Variants in CNNM1 observed in about 807,000 individuals in gnomAD.
The protein encoded by CNNM1 is cyclin and CBS domain divalent metal cation transport mediator 1, also known as metal transporter CNNM1.
In CNNM1, 44 loss-of-function variants were observed where a neutral mutation model predicts 78.8. The observed-to-expected ratio is 0.56, with a 90% CI of 0.44 to 0.72. The LOEUF is 0.72. Ranked by LOEUF, CNNM1 falls within the 30% of genes least tolerant of loss-of-function variation. The probability of loss-of-function intolerance (pLI) is 0.00; values close to 1 mark genes in which losing one functional copy is unlikely to be tolerated. For missense variants in CNNM1, 1,101 were observed against 1,292.2 expected (o/e 0.85, Z 2.27); for synonymous variants, 584 against 581.5 (o/e 1.00, Z -0.06).
intron 6 of CNNM1, among the ~76,000 whole-genome samples, chr10:99,371,552 A>G (rs2031803527): frequency 6.6e-6 from 1 of 152,206 alleles, no homozygotes; most frequent in Admixed American, 6.5e-5. Flanking sequence ...ACTGAGATCA[A>G]TAATGACAGT....
intron 7 of CNNM1, among the ~76,000 whole-genome samples, chr10:99,386,160 C>T (rs1042234410): frequency 6.6e-6 from 1 of 152,200 alleles, no homozygotes; most frequent in Non-Finnish European, 1.5e-5. Context: ...TGAAAAATAT[C>T]GAAGCCAGTT....
At position 99,329,645 on chromosome 10, in the gene CNNM1, G is replaced by A. The variant is rs1414097907; in HGVS notation, c.258G>A (p.Pro86=). The A allele has an allele frequency of 1.3e-6, 2 of 1,534,690 alleles. No individual in the cohort carries two copies. The highest frequency in any genetic ancestry group is 1.7e-6 in the Non-Finnish European group (2 of 1,149,080). ...CAGGACCGCCGGCCACCGCCGCACC[G>A]GTGCCCTCACCGACCCTCAACTCGG... ...FQPGPPATAA[P]VPSPTLNSGE... Residue 86 remains proline (P), a synonymous_variant, in exon 1 of 11, where the codon CCG becomes CCA. Coordinates refer to ENST00000356713, the MANE Select transcript of CNNM1 (RefSeq NM_020348.3).
chr10:99,383,781 G>T (rs999103038), intron 7 of CNNM1, among the ~76,000 whole-genome samples: 4 of 152,154 alleles, frequency 2.6e-5, no homozygotes, highest in African/African-American at 4.8e-5. Flanking sequence ...GCCCTGCGAG[G>T]CCAGGTCATC....
At chr10:99,363,959 A>T (rs1339234709) in intron 4 of CNNM1, among the ~76,000 whole-genome samples, 2 of 151,930 alleles carry the variant, frequency 1.3e-5, no homozygotes, top group African/African-American at 4.8e-5. Context: ...TGGCCAGGCT[A>T]GTCTCAAACT....
intron 1 of CNNM1, among the ~76,000 whole-genome samples, chr10:99,340,776 CTTCTTTCTT>C (rs2030411568): frequency 7.0e-6 from 1 of 143,782 alleles, no homozygotes; most frequent in Non-Finnish European, 1.5e-5. Context: ...TCTCTCTTTC[CTTCTTTCTT>C]TTCTTTCTTT....
chr10:99,368,989 A>C (rs1354210821), intron 6 of CNNM1, among the ~76,000 whole-genome samples: 1 of 152,222 alleles, frequency 6.6e-6, no homozygotes, highest in Non-Finnish European at 1.5e-5. Flanking sequence ...TGAGGAGTAC[A>C]GCATGAATGA....
chr10:99,384,710 G>A (rs17111633), intron 7 of CNNM1, among the ~76,000 whole-genome samples: 7,337 of 152,212 alleles, frequency 0.048, 306 homozygotes, highest in South Asian at 0.13. Context: ...TGCTTAAAAA[G>A]AGGGTTAGAG....
intron 7 of CNNM1, among the ~76,000 whole-genome samples, chr10:99,385,892 C>T (rs2032289773): frequency 6.6e-6 from 1 of 152,142 alleles, no homozygotes; most frequent in Non-Finnish European, 1.5e-5. Context: ...AACTAAAGAA[C>T]CCAAACAGAG....
chr10:99,347,022 AAG>A (rs1295279295), intron 1 of CNNM1, among the ~76,000 whole-genome samples: 5 of 152,268 alleles, frequency 3.3e-5, no homozygotes, highest in South Asian at 4.2e-4. Context: ...CGTGGACACA[AAG>A]AGGGCAACAG....
In CNNM1 at chr10:99,360,966, A is replaced by G. The variant is rs1317617320; in HGVS notation, c.1849A>G (p.Met617Val). The change falls in exon 3 of 11, where the codon ATG (methionine) becomes GTG (valine). Residue 617 changes from methionine to valine, a missense_variant. Physicochemically the swap from Met to Val is conservative, Grantham distance 21. Around this residue, in one of 3 missense-constraint regions of CNNM1, gnomAD observed 277 missense variants for 423.2 expected, o/e 0.65. Transcript: ENST00000356713. The part of the protein sequence containing the change: ...PQLLLATHRF[M>V]ATEVEPFKSL... ...GCTTCTGCTAGCCACACACCGCTTC[A>G]TGGCCACAGGTAGGACAAGTCTCCA... 3.7e-6 allele frequency: 6 copies of G among 1,608,250 alleles called. No homozygotes were observed. The highest frequency in any genetic ancestry group is 5.1e-6 in the Non-Finnish European group (6 of 1,175,894).
chr10:99,347,952 C>T (rs1217335352), intron 1 of CNNM1, among the ~76,000 whole-genome samples: 1 of 152,038 alleles, frequency 6.6e-6, no homozygotes, highest in Non-Finnish European at 1.5e-5. Flanking sequence ...CCCACACACT[C>T]CCTCATCACT....
At chr10:99,344,317 G>A (rs1300387190) in intron 1 of CNNM1, among the ~76,000 whole-genome samples, 2 of 141,394 alleles carry the variant, frequency 1.4e-5, no homozygotes, top group Admixed American at 7.4e-5. Flanking sequence ...AGGCAACAGA[G>A]CGAGACTCCG....
chr10:99,334,142 T>C (rs148967067), intron 1 of CNNM1, among the ~76,000 whole-genome samples: 6 of 152,340 alleles, frequency 3.9e-5, no homozygotes, highest in Non-Finnish European at 5.9e-5. Context: ...GTGGCTCCTA[T>C]GTAACATTAA....
intron 1 of CNNM1, among the ~76,000 whole-genome samples, chr10:99,349,647 G>A (rs1168639310): frequency 1.3e-5 from 2 of 152,220 alleles, no homozygotes; most frequent in Non-Finnish European, 2.9e-5. Flanking sequence ...AGTAGCACAT[G>A]TCAAGAGCAG....
chr10:99,331,239 C>T (rs2134008888), intron 1 of CNNM1, among the ~76,000 whole-genome samples: 1 of 152,276 alleles, frequency 6.6e-6, no homozygotes, highest in Non-Finnish European at 1.5e-5. Flanking sequence ...CAAGGCCTAC[C>T]AAATGTCAGA....
At chr10:99,390,488 G>C (rs2032442202) in intron 10 of CNNM1, 81 bp downstream of exon 10, 4 of 1,058,984 alleles carry the variant, frequency 3.8e-6, no homozygotes, top group African/African-American at 1.6e-5. Flanking sequence ...CTTCCTCTTG[G>C]GGGAGGAGCC....
intron 1 of CNNM1, among the ~76,000 whole-genome samples, chr10:99,350,298 G>A (rs2030891754): frequency 2.0e-5 from 3 of 152,192 alleles, no homozygotes; most frequent in African/African-American, 7.2e-5. Flanking sequence ...CACAAGTGAG[G>A]CAGAAACCAT....
At chr10:99,367,732 C>T (rs899465207) in intron 6 of CNNM1, among the ~76,000 whole-genome samples, 3 of 152,154 alleles carry the variant, frequency 2.0e-5, no homozygotes, top group African/African-American at 4.8e-5. Context: ...ACTGCAGAAG[C>T]AGTCTATTTC....
intron 6 of CNNM1, among the ~76,000 whole-genome samples, chr10:99,365,696 C>T (rs2031592423): frequency 6.6e-6 from 1 of 152,154 alleles, no homozygotes; most frequent in African/African-American, 2.4e-5. Flanking sequence ...AGAATTATTT[C>T]TCTAGATTTC....
Sources: gnomAD v4.1 joint callset for allele counts (sites outside exome capture counted in the v4.1 genomes callset) on GRCh38, gnomAD v4.1.1 for gene constraint, gnomAD v4.1.1 regional missense constraint, MANE v1.5 for transcripts, NCBI Gene and HGNC (gene_info 2026-07-23, HGNC 2026-07-21) for gene names.